TLE3: variants seen among roughly 807,000 people sequenced by gnomAD.
TLE3 encodes the protein transducin-like enhancer protein 3.
In TLE3, 14 loss-of-function variants were observed where a neutral mutation model predicts 93.0. That is an observed-to-expected ratio of 0.15 (90% CI 0.10 to 0.24). The LOEUF (loss-of-function observed/expected upper bound fraction) is 0.24, where lower values mean the gene tolerates loss of function less well. Among genes scored for constraint, TLE3 ranks in the 10% least tolerant of loss-of-function variants. TLE3 has a pLI of 1.00. For synonymous variants in TLE3, 451 were observed against 425.0 expected (o/e 1.06, Z -0.75); for missense variants, 693 against 1,046.6 (o/e 0.66, Z 4.66).
chr15:70,079,499 C>A, intron 4 of TLE3: 1 of 466,558 alleles, frequency 2.1e-6, no homozygotes, highest in East Asian at 7.2e-5. Context: ...TCCCTCCCAG[C>A]TGTCACTGTG....
At chr15:70,056,972 C>T (rs2133978) in intron 13 of TLE3, among the ~76,000 whole-genome samples, 60,668 of 152,070 alleles carry the variant, frequency 0.4, 12,912 homozygotes, top group Middle Eastern at 0.62. Context: ...AGGCTGGTCT[C>T]GATTTCCTGA....
In TLE3 at chr15:70,096,865, G is replaced by A. The variant is rs1446450126; in HGVS notation, c.-67C>T. 2.5e-6 allele frequency: 4 copies of A among 1,579,374 alleles called. No individual in the cohort carries two copies. The highest frequency in any genetic ancestry group is 1.4e-5 in the African/African-American group (1 of 73,982). On this transcript the variant is annotated 5_prime_UTR_variant, in exon 1 of 20. Coordinates refer to ENST00000451782, the MANE Select transcript of TLE3 (RefSeq NM_001105192.3). ...GAGCCCGGGCCGGGGAGGTGCGGGG[G>A]AGGGGGGAGCCGAGCCCGAGCGGGG...
intron 12 of TLE3, 111 bp from the exon 13 acceptor site, chr15:70,057,769 A>T: frequency 7.3e-7 from 1 of 1,364,988 alleles, no homozygotes; most frequent in South Asian, 1.3e-5. Flanking sequence ...TGCTCCAGGC[A>T]GTCCTCTCAG....
Position 70,073,104 on chromosome 15 carries a change from C to A in TLE3, c.372+1429G>T, listed in dbSNP as rs549097270. On this transcript the variant is annotated intron_variant, in intron 6 of 19. Transcript: ENST00000451782. ...AAGGACAAACCCACTGTGCTGCCTT[C>A]ATCAAAGGACTCTGCAACCATCACG... Among the ~76,000 whole-genome samples the A allele has an allele frequency of 2.6e-5, 4 of 152,336 alleles. No individual in the cohort carries two copies. The South Asian group carries it at 8.3e-4, about 32-fold the overall frequency.
chr15:70,065,975 CCCTG>C, intron 7 of TLE3, 35 bp downstream of exon 7: 12 of 1,267,420 alleles, frequency 9.5e-6, no homozygotes, highest in Non-Finnish European at 1.3e-5. Context: ...CCATGCCCAC[CCCTG>C]CCCCGCCCCA....
intron 15 of TLE3, 28 bp from the exon 16 acceptor site, chr15:70,054,713 G>T (rs193079592): frequency 1.3e-6 from 2 of 1,542,898 alleles, no homozygotes; most frequent in Admixed American, 3.8e-5. Context: ...AGGGCTGAGT[G>T]CTGCCTACTT....
chr15:70,059,276 C>T, intron 10 of TLE3, 134 bp downstream of exon 10: 1 of 1,080,274 alleles, frequency 9.3e-7, no homozygotes, highest in East Asian at 2.7e-5. Flanking sequence ...CCTGAGACCC[C>T]AAGACTGGAG....
chr15:70,072,490 C>G (rs1035602428), intron 6 of TLE3, among the ~76,000 whole-genome samples: 1 of 152,144 alleles, frequency 6.6e-6, no homozygotes, highest in Non-Finnish European at 1.5e-5. Context: ...AACCCTGCAG[C>G]CCCCTGCTAC....
At chr15:70,074,168 CG>C (rs2057324512) in intron 6 of TLE3, among the ~76,000 whole-genome samples, 1 of 152,248 alleles carries the variant, frequency 6.6e-6, no homozygotes, top group Admixed American at 6.5e-5. Flanking sequence ...AGACAGGCCC[CG>C]GGGTAAGTGT....
Position 70,058,486 on chromosome 15 carries a change from A to C in TLE3, c.918+177T>G, listed in dbSNP as rs1000105754. The C allele has an allele frequency of 3.9e-6, 5 of 1,285,634 alleles. No individual in the cohort carries two copies. The highest frequency in any genetic ancestry group is 5.3e-6 in the Non-Finnish European group (5 of 948,472). 79.6% of individuals were successfully genotyped at this position (1,285,634 alleles called of 1,614,324 possible). On this transcript the variant is annotated intron_variant, in intron 11 of 19. Transcript: ENST00000451782. The surrounding 1 kb of genome is among the most constrained non-coding windows in gnomAD (Gnocchi z 4.1). ...ATCACTCCCATTTTACAGACGTAGCAACCGAGGCTCAGAAACGTTAACTCA... is the reference window on the plus strand; with the variant it reads ...ATCACTCCCATTTTACAGACGTAGCCACCGAGGCTCAGAAACGTTAACTCA...
At chr15:70,090,384 C>T (rs897936817) in intron 4 of TLE3, among the ~76,000 whole-genome samples, 5 of 152,196 alleles carry the variant, frequency 3.3e-5, no homozygotes, top group African/African-American at 1.2e-4. Context: ...CACAAATAGG[C>T]ACTTCCCTAG....
At chr15:70,084,722 G>A (rs186379353) in intron 4 of TLE3, among the ~76,000 whole-genome samples, 88 of 150,738 alleles carry the variant, frequency 5.8e-4, no homozygotes, top group African/African-American at 2.1e-3. Flanking sequence ...GATGCGTGGC[G>A]CCCACGGTGC....
chr15:70,058,869 C>A lies in TLE3; in HGVS notation c.766-54G>T. 6.7e-7 allele frequency: 1 copy of A among 1,486,872 alleles called. No individual in the cohort carries two copies. The highest frequency in any genetic ancestry group is 1.4e-5 in the South Asian group (1 of 72,642). The allele number at this position is 1,486,872 out of a possible 1,614,324, so 92.1% of individuals were successfully genotyped here. On this transcript the variant is annotated intron_variant, in intron 10 of 19. Transcript: ENST00000451782. The surrounding 1 kb of genome is among the most constrained non-coding windows in gnomAD (Gnocchi z 4.1). ...CTGAAAGCAACAGCCAGCCTCGAGGCTTCCCTGCTCTGGGAGTGGGAAGAG... is the reference window on the plus strand; with the variant it reads ...CTGAAAGCAACAGCCAGCCTCGAGGATTCCCTGCTCTGGGAGTGGGAAGAG...
intron 8 of TLE3, 136 bp downstream of exon 8, chr15:70,064,318 A>G: frequency 9.7e-7 from 1 of 1,025,844 alleles, no homozygotes; most frequent in South Asian, 1.4e-5. Flanking sequence ...TACAACCCAC[A>G]GAGCAGAAGC....
rs750981911 is a variant in TLE3, at chr15:70,066,149, G to A, written c.442C>T (p.Pro148Ser). The change falls in exon 7 of 20, where the codon CCG becomes TCG. Residue 148 changes from proline to serine, a missense_variant. Physicochemically the swap from Pro to Ser is moderately conservative, Grantham distance 74. Coordinates refer to ENST00000451782, the MANE Select transcript of TLE3 (RefSeq NM_001105192.3). The stretch of plus-strand genomic sequence containing the variant: ...ATTCCTGGAGGCTGGAGACCTGACG[G>A]GTGGGGTGGCAACTGGACCGGGGGG... The part of the protein sequence containing the change: ...HGPPVQLPPH[P>S]SGLQPPGIPP... 1.1e-5 allele frequency: 17 copies of A among 1,550,788 alleles called. No homozygotes were observed. Among genetic ancestry groups the A allele is most frequent in the Non-Finnish European group, 1.1e-5 (13 of 1,148,770 alleles).
At chr15:70,060,284 A>G (rs2141539935) in intron 9 of TLE3, among the ~76,000 whole-genome samples, 1 of 152,230 alleles carries the variant, frequency 6.6e-6, no homozygotes, top group Non-Finnish European at 1.5e-5. Context: ...AAGAGACCCC[A>G]TGGAGGCTAG....
intron 6 of TLE3, chr15:70,066,521 C>T (rs2056828813): frequency 6.2e-6 from 2 of 322,464 alleles, no homozygotes; most frequent in East Asian, 5.3e-5. Flanking sequence ...ATAAAGAATG[C>T]ATGCATTTAA....
Position 70,074,587 on chromosome 15 carries a change from C to T in TLE3, c.318G>A (p.Gln106=), listed in dbSNP as rs1405922639. 3 of 1,611,538 alleles carry T rather than the reference C, an allele frequency of 1.9e-6. No individual in the cohort carries two copies. The highest frequency in any genetic ancestry group is 2.7e-5 in the African/African-American group (2 of 75,032). Residue 106 remains glutamine, a synonymous_variant, in exon 6 of 20, where the codon CAG becomes CAA. Coordinates refer to ENST00000451782, the MANE Select transcript of TLE3 (RefSeq NM_001105192.3). ...LSQEHQQQVA[Q]AVERAKQVTM... ...TGACCTGCTTGGCGCGCTCCACTGC[C>T]TGCGCCACCTGCTGCTGGTGCTGGA...
intron 7 of TLE3, 92 bp from the exon 8 acceptor site, chr15:70,064,562 C>G (rs2056695503): frequency 6.4e-7 from 1 of 1,567,290 alleles, no homozygotes; most frequent in Non-Finnish European, 8.7e-7. Context: ...CTAAGTCCAG[C>G]TGGCTTTTGT....
Sources: gnomAD v4.1 joint callset for allele counts (sites outside exome capture counted in the v4.1 genomes callset) on GRCh38, gnomAD v4.1.1 for gene constraint, Gnocchi (gnomAD v3.1) non-coding constraint, MANE v1.5 for transcripts, NCBI Gene and HGNC (gene_info 2026-07-23, HGNC 2026-07-21) for gene names.